GUCY1A2: variants seen among roughly 807,000 people sequenced by gnomAD.
GUCY1A2 encodes guanylate cyclase 1 soluble subunit alpha 2.
Under a neutral mutation model 63.5 loss-of-function variants are expected in GUCY1A2, and 27 were observed. That is an observed-to-expected ratio of 0.43 (90% confidence interval 0.31 to 0.59). The LOEUF (loss-of-function observed/expected upper bound fraction) is 0.59, where lower values mean the gene tolerates loss of function less well. Ranked by LOEUF, GUCY1A2 falls within the 20% of genes least tolerant of loss-of-function variation. The probability of loss-of-function intolerance (pLI) is 0.11; values close to 1 mark genes in which losing one functional copy is unlikely to be tolerated. For missense variants in GUCY1A2, 768 were observed against 913.3 expected, an observed-to-expected ratio of 0.84 and a Z score of 2.05; for synonymous variants, 364 against 343.5, an observed-to-expected ratio of 1.06 and a Z score of -0.66.
chr11:107,015,349 C>G (rs191063653), intron 1 of GUCY1A2, among the ~76,000 whole-genome samples: 6 of 152,096 alleles, frequency 3.9e-5, no homozygotes, highest in East Asian at 1.9e-4. Flanking sequence ...TGGATACATT[C>G]TTTTCATCCA....
intron 6 of GUCY1A2, among the ~76,000 whole-genome samples, chr11:106,761,408 T>C (rs148055416): frequency 6.6e-6 from 1 of 152,162 alleles, no homozygotes; most frequent in Non-Finnish European, 1.5e-5. Flanking sequence ...TTAGCCCCAG[T>C]TCAGTAAAGC....
intron 4 of GUCY1A2, among the ~76,000 whole-genome samples, chr11:106,899,228 C>T (rs1163464371): frequency 2.0e-5 from 3 of 151,914 alleles, no homozygotes; most frequent in East Asian, 1.9e-4. Context: ...ACAAAAAACA[C>T]GATAGTGAAT....
At chr11:106,897,689 A>AT (rs1227528569) in intron 4 of GUCY1A2, among the ~76,000 whole-genome samples, 1 of 152,092 alleles carries the variant, frequency 6.6e-6, no homozygotes, top group Non-Finnish European at 1.5e-5. Flanking sequence ...TACAGACCTC[A>AT]TATCTTTCAC....
At chr11:107,013,946 AATACCTGCCACATAG>A (rs1343983779) in intron 1 of GUCY1A2, among the ~76,000 whole-genome samples, 2 of 148,818 alleles carry the variant, frequency 1.3e-5, no homozygotes, top group Admixed American at 6.8e-5. Context: ...TGCTCTGCAC[AATACCTGCCACATAG>A]ATACTACAAT....
chr11:106,831,210 T>C (rs1465701926), intron 4 of GUCY1A2, among the ~76,000 whole-genome samples: 1 of 152,188 alleles, frequency 6.6e-6, no homozygotes, highest in Non-Finnish European at 1.5e-5. Context: ...ACATAAATCA[T>C]AATATCATGA....
rs144867362 is a variant in GUCY1A2, at chr11:106,840,218, G to T, written c.1207-29740C>A. Among the ~76,000 whole-genome samples, 440 of 151,978 alleles carry T rather than the reference G, an allele frequency of 2.9e-3. 1 individual carries two copies. Among genetic ancestry groups the T allele is most frequent in the Non-Finnish European group, 5.2e-3 (353 of 67,904 alleles). ...TGGAAGAAAAGAAGCACTATTGATG[G>T]CACTATTCCTTTTTTCTGTGTTAAT... On this transcript the variant is annotated intron_variant, in intron 4 of 7. Coordinates refer to ENST00000526355, the MANE Select transcript of GUCY1A2 (RefSeq NM_000855.3).
intron 4 of GUCY1A2, among the ~76,000 whole-genome samples, chr11:106,924,757 C>CA: frequency 6.6e-6 from 1 of 152,242 alleles, no homozygotes; most frequent in East Asian, 1.9e-4. Flanking sequence ...GTAATCCCAG[C>CA]ACTTTGGGAG....
At chr11:106,837,327 G>A (rs909038094) in intron 4 of GUCY1A2, among the ~76,000 whole-genome samples, 1 of 151,606 alleles carries the variant, frequency 6.6e-6, no homozygotes, top group African/African-American at 2.4e-5. Flanking sequence ...AGGATGTGAT[G>A]TAGTTCTTTA....
At chr11:106,727,176 A>G (rs1863422231) in intron 6 of GUCY1A2, among the ~76,000 whole-genome samples, 2 of 152,190 alleles carry the variant, frequency 1.3e-5, no homozygotes, top group Admixed American at 1.3e-4. Context: ...ATCAACGCAA[A>G]TCTGTTAGGA....
At chr11:106,886,924 C>A (rs1411100558) in intron 4 of GUCY1A2, among the ~76,000 whole-genome samples, 1 of 152,120 alleles carries the variant, frequency 6.6e-6, no homozygotes, top group Admixed American at 6.5e-5. Context: ...TATTCCTCCT[C>A]TGCATGCATC....
intron 6 of GUCY1A2, among the ~76,000 whole-genome samples, chr11:106,715,312 G>T (rs1456012725): frequency 6.6e-6 from 1 of 152,114 alleles, no homozygotes; most frequent in African/African-American, 2.4e-5. Context: ...GATTAGGAGG[G>T]CGGCACAGAT....
chr11:107,006,064 A>G (rs1591361711), intron 1 of GUCY1A2, among the ~76,000 whole-genome samples: 1 of 152,212 alleles, frequency 6.6e-6, no homozygotes, highest in East Asian at 1.9e-4. Context: ...TCATAATCCT[A>G]TGAATTGTAA....
At chr11:106,933,904 G>C (rs1860640163) in intron 4 of GUCY1A2, among the ~76,000 whole-genome samples, 1 of 152,076 alleles carries the variant, frequency 6.6e-6, no homozygotes, top group Admixed American at 6.6e-5. Context: ...CTAAACATTG[G>C]TGCTCATGGA....
intron 3 of GUCY1A2, among the ~76,000 whole-genome samples, chr11:106,962,321 G>C (rs890912991): frequency 1.3e-5 from 2 of 152,058 alleles, no homozygotes; most frequent in Non-Finnish European, 2.9e-5. Context: ...GGAGGCCAAG[G>C]CAGGTGGATC....
At chr11:106,689,061 C>T (rs150256638) in intron 7 of GUCY1A2, among the ~76,000 whole-genome samples, 33 of 152,118 alleles carry the variant, frequency 2.2e-4, no homozygotes, top group Non-Finnish European at 4.3e-4. Context: ...AGCAGCAGCT[C>T]CAAGTAGGAG....
intron 7 of GUCY1A2, among the ~76,000 whole-genome samples, chr11:106,695,794 AG>A (rs531175355): frequency 7.9e-4 from 121 of 152,334 alleles, no homozygotes; most frequent in African/African-American, 2.9e-3. Flanking sequence ...AAACAGAAAA[AG>A]GATCTCACCA....
At chr11:106,721,556 T>C (rs968993450) in intron 6 of GUCY1A2, among the ~76,000 whole-genome samples, 7 of 152,214 alleles carry the variant, frequency 4.6e-5, no homozygotes, top group Non-Finnish European at 1.0e-4. Context: ...TGTATTAATG[T>C]TGTTACCAAC....
rs372379579 is a variant in GUCY1A2, at chr11:106,946,354, A to G, written c.488-6176T>C. Among the ~76,000 whole-genome samples, 4 of 152,280 alleles carry G rather than the reference A, an allele frequency of 2.6e-5. 1 individual carries two copies. The highest frequency in any genetic ancestry group is 6.5e-5 in the Admixed American group (1 of 15,306). ...GTCAACATGATCAAAACAGCAAAAG[A>G]CCAGAAACAAAAACAATGTAAAAGA... is the stretch of plus-strand genomic sequence containing the variant. On this transcript the variant is annotated intron_variant, in intron 3 of 7. Coordinates refer to ENST00000526355, the MANE Select transcript of GUCY1A2 (RefSeq NM_000855.3).
intron 4 of GUCY1A2, among the ~76,000 whole-genome samples, chr11:106,829,681 A>C (rs767398375): frequency 3.3e-5 from 5 of 152,158 alleles, no homozygotes; most frequent in Non-Finnish European, 7.4e-5. Context: ...GAGGCTAAGA[A>C]GGGAGTTACA....
Sources: gnomAD v4.1 joint callset for allele counts (sites outside exome capture counted in the v4.1 genomes callset) on GRCh38, gnomAD v4.1.1 for gene constraint, MANE v1.5 for transcripts, NCBI Gene and HGNC (gene_info 2026-07-23, HGNC 2026-07-21) for gene names.